TIAM2: variants seen among roughly 807,000 people sequenced by gnomAD.
The protein encoded by TIAM2 is TIAM Rac1 associated GEF 2.
TIAM2 carries 80 observed loss-of-function variants against 152.9 expected under a neutral mutation model. The ratio of observed to expected loss-of-function variants is 0.52; its 90% CI spans 0.44 to 0.63. The LOEUF (loss-of-function observed/expected upper bound fraction) is 0.63, where lower values mean the gene tolerates loss of function less well. TIAM2 is among the 30% of genes least tolerant of loss of function. The pLI is 0.00. For missense variants in TIAM2, 1,965 were observed against 2,120.1 expected (o/e 0.93, Z 1.44); for synonymous variants, 804 against 838.0 (o/e 0.96, Z 0.70).
intron 1 of TIAM2, among the ~76,000 whole-genome samples, chr6:155,034,555 A>G (rs2114896130): frequency 6.6e-6 from 1 of 152,304 alleles, no homozygotes; most frequent in African/African-American, 2.4e-5. Flanking sequence ...GCGCCTGGCT[A>G]GGTCCAGTAT....
At chr6:155,193,715 CA>C (rs1429971143) in intron 14 of TIAM2, among the ~76,000 whole-genome samples, 2 of 152,026 alleles carry the variant, frequency 1.3e-5, no homozygotes, top group Admixed American at 1.3e-4. Context: ...GAACATGTTC[CA>C]AGGGTGGAGG....
rs143266018 is a variant in TIAM2 at position 155,050,189 on chromosome 6, G to A, written c.-208-40100G>A. ...TGGGATTACTGGTGCTCGCCACCAT[G>A]CCTGACTAATTTTTGTATTTTTAAT... On this transcript the variant is annotated intron_variant, in intron 1 of 26. Coordinates refer to ENST00000682666, the MANE Select transcript of TIAM2 (RefSeq NM_012454.4). 1.8e-4 allele frequency among the ~76,000 whole-genome samples: 27 copies of A among 152,234 alleles called. 1 individual carries two copies. Among genetic ancestry groups the A allele is most frequent in the Non-Finnish European group, 2.4e-4 (16 of 68,022 alleles).
chr6:155,126,460 G>A (rs540033432), intron 2 of TIAM2, among the ~76,000 whole-genome samples: 26 of 152,262 alleles, frequency 1.7e-4, no homozygotes, highest in South Asian at 1.0e-3. Context: ...GGCCAGGCGC[G>A]GTGGCTCACG....
intron 1 of TIAM2, among the ~76,000 whole-genome samples, chr6:155,088,563 T>C (rs1583183480): frequency 6.6e-6 from 1 of 152,192 alleles, no homozygotes; most frequent in East Asian, 1.9e-4. Flanking sequence ...AACCCTGTAG[T>C]GTAGATCATA....
chr6:155,105,295 T>C (rs9371363), intron 2 of TIAM2, among the ~76,000 whole-genome samples: 102,101 of 151,958 alleles, frequency 0.67, 34,294 homozygotes, highest in South Asian at 0.77. Flanking sequence ...AGACTATAGG[T>C]GCATGCCACC....
At chr6:155,137,663 G>A (rs758967626) in intron 5 of TIAM2, 51 bp downstream of exon 5, 30 of 1,504,140 alleles carry the variant, frequency 2.0e-5, no homozygotes, top group Non-Finnish European at 2.5e-5. Flanking sequence ...TCCGCCAGCC[G>A]TGCTCTTTGC....
intron 7 of TIAM2, among the ~76,000 whole-genome samples, chr6:155,153,540 G>A (rs1317621929): frequency 6.6e-6 from 1 of 151,378 alleles, no homozygotes; most frequent in Non-Finnish European, 1.5e-5. Flanking sequence ...GAAGGGCTTT[G>A]TAGTGTGTAG....
In TIAM2 at chr6:155,144,750, A is replaced by G. The variant is rs765675030; in HGVS notation, c.1775A>G (p.Asn592Ser). 4 of 1,610,416 alleles carry G rather than the reference A, an allele frequency of 2.5e-6. No homozygotes were observed. The highest frequency in any genetic ancestry group is 1.1e-5 in the South Asian group (1 of 90,060). Reference sequence around the variant, plus strand: ...AAAGAAAATGTGTTCTGCCTCAGCAACTCCTTTGGAGATGTCTACCTTTTC... The same window carrying G: ...AAAGAAAATGTGTTCTGCCTCAGCAGCTCCTTTGGAGATGTCTACCTTTTC... Reference protein sequence around the residue: ...PKKENVFCLSNSFGDVYLFQA... With the variant: ...PKKENVFCLSSSFGDVYLFQA... Residue 592 changes from asparagine (N) to serine (S), a missense_variant, in exon 6 of 27, where the codon AAC (asparagine) becomes AGC (serine). Asn to Ser is a conservative substitution (Grantham distance 46, BLOSUM62 1). This residue lies in a region of TIAM2 where 1,025 missense variants were observed against 1,119.4 expected (regional missense o/e 0.92). Coordinates refer to ENST00000682666, the MANE Select transcript of TIAM2 (RefSeq NM_012454.4).
intron 1 of TIAM2, among the ~76,000 whole-genome samples, chr6:155,007,421 G>C (rs1158361906): frequency 6.8e-6 from 1 of 146,414 alleles, no homozygotes; most frequent in Admixed American, 6.9e-5. Flanking sequence ...GTCTCGCTCT[G>C]TCGCCCAGGC....
intron 15 of TIAM2, among the ~76,000 whole-genome samples, chr6:155,221,625 T>C (rs1233977434): frequency 6.6e-6 from 1 of 152,166 alleles, no homozygotes; most frequent in African/African-American, 2.4e-5. Flanking sequence ...CCCTGCAACT[T>C]AGGTGGTCGT....
chr6:155,204,785 T>C (rs1406368650), intron 14 of TIAM2, among the ~76,000 whole-genome samples: 2 of 152,202 alleles, frequency 1.3e-5, no homozygotes, highest in Non-Finnish European at 2.9e-5. Context: ...CTTTTTCCGA[T>C]GCGGTGACTG....
At chr6:155,071,089 C>T (rs1345968056) in intron 1 of TIAM2, among the ~76,000 whole-genome samples, 1 of 152,060 alleles carries the variant, frequency 6.6e-6, no homozygotes, top group Non-Finnish European at 1.5e-5. Flanking sequence ...GGGAGGATGG[C>T]TCGTGCCCGA....
chr6:155,101,034 G>T (rs865897192), intron 2 of TIAM2, among the ~76,000 whole-genome samples: 3 of 152,248 alleles, frequency 2.0e-5, no homozygotes, highest in Middle Eastern at 3.4e-3. Context: ...AGCATCACAC[G>T]TGGGAGGTAA....
intron 24 of TIAM2, 183 bp from the exon 25 acceptor site, chr6:155,253,790 C>T (rs902826714): frequency 9.5e-6 from 5 of 527,582 alleles, no homozygotes; most frequent in Admixed American, 3.7e-5. Context: ...TAAAAAGTAA[C>T]CAAAAGGCAT....
intron 1 of TIAM2, among the ~76,000 whole-genome samples, chr6:155,060,544 AGAACTCAATACTATC>A (rs1318911040): frequency 1.3e-5 from 2 of 152,236 alleles, no homozygotes; most frequent in Non-Finnish European, 2.9e-5. Flanking sequence ...TCTTTGAGTT[AGAACTCAATACTATC>A]ATTATTATGT....
In TIAM2 at chr6:155,043,633, CAAAAAAA is replaced by C. The variant is rs60093259; in HGVS notation, c.-208-46638_-208-46632del. Among the ~76,000 whole-genome samples, 151 of 50,260 alleles carry C rather than the reference CAAAAAAA, an allele frequency of 3.0e-3. 1 individual carries two copies. In the Middle Eastern group the frequency reaches 0.037, roughly 12 times the overall value. 33.0% of individuals were successfully genotyped at this position (50,260 alleles called of 152,430 possible). A position where few individuals can be genotyped will look rare whatever the true frequency, so the allele number is the denominator to read the frequency against. On this transcript the variant is annotated intron_variant, in intron 1 of 26. Transcript: ENST00000682666. ...TGGGTGACAGAGTGAGACCCTGTCT[CAAAAAAA>C]AAAAAAAAAAAAAAAAAGGATCTGT...
At chr6:155,117,426 C>A (rs1266556841) in intron 2 of TIAM2, among the ~76,000 whole-genome samples, 2 of 152,116 alleles carry the variant, frequency 1.3e-5, no homozygotes. Context: ...AAACTTGATG[C>A]TGTTAAAGTT....
At chr6:155,110,153 A>C (rs929182897) in intron 2 of TIAM2, among the ~76,000 whole-genome samples, 1 of 151,640 alleles carries the variant, frequency 6.6e-6, no homozygotes, top group Non-Finnish European at 1.5e-5. Flanking sequence ...GGGTTTCACC[A>C]TGTTGGCCAG....
rs201930912 is a variant in TIAM2 at position 155,231,530 on chromosome 6, G to T, written c.3169-9000G>T. Among the ~76,000 whole-genome samples, 31 of 152,318 alleles carry T rather than the reference G, an allele frequency of 2.0e-4. No individual in the cohort carries two copies. In the East Asian group the frequency reaches 5.6e-3, roughly 27 times the overall value. On this transcript the variant is annotated intron_variant, in intron 15 of 26. Coordinates refer to ENST00000682666, the MANE Select transcript of TIAM2 (RefSeq NM_012454.4). ...TTAACTCCCACCACACCCTGCCAAGGGGCTGACGTGCTGCCCTTTTCCTTC... is the reference window on the plus strand; with the variant it reads ...TTAACTCCCACCACACCCTGCCAAGTGGCTGACGTGCTGCCCTTTTCCTTC...
Sources: allele counts gnomAD v4.1 joint callset (sites outside exome capture counted in the v4.1 genomes callset), GRCh38; gene constraint gnomAD v4.1.1; regional missense constraint gnomAD v4.1.1; transcripts MANE v1.5; gene names NCBI Gene and HGNC (gene_info 2026-07-23, HGNC 2026-07-21).